Variants in CAMK1G observed in about 807,000 individuals in gnomAD.
CAMK1G encodes calcium/calmodulin dependent protein kinase IG, also known as calcium/calmodulin-dependent protein kinase type 1G.
CAMK1G carries 27 observed loss-of-function variants against 54.8 expected under a neutral mutation model. That is an observed-to-expected ratio of 0.49 (90% CI 0.36 to 0.68). The LOEUF (loss-of-function observed/expected upper bound fraction) is 0.68. Ranked by LOEUF, CAMK1G falls within the 30% of genes least tolerant of loss-of-function variation. The probability of loss-of-function intolerance (pLI) is 0.00; values close to 1 mark genes in which losing one functional copy is unlikely to be tolerated. For missense variants in CAMK1G, 512 were observed against 591.0 expected (o/e 0.87, Z 1.39); for synonymous variants, 238 against 224.9 (o/e 1.06, Z -0.52).
intron 2 of CAMK1G, 24 bp from the exon 3 acceptor site, chr1:209,599,959 T>C: frequency 6.2e-7 from 1 of 1,611,552 alleles, no homozygotes; most frequent in Non-Finnish European, 8.5e-7. Flanking sequence ...TACTAAGTTT[T>C]ATCTTTTGGT....
At chr1:209,603,642 G>A (rs912194871) in intron 4 of CAMK1G, among the ~76,000 whole-genome samples, 2 of 152,128 alleles carry the variant, frequency 1.3e-5, no homozygotes, top group Non-Finnish European at 2.9e-5. Flanking sequence ...AACGACCGAA[G>A]GGGTAATGCC....
Position 209,611,464 on chromosome 1 carries a change from G to T in CAMK1G, c.828-1G>T. On this transcript the variant is annotated splice_acceptor_variant, in intron 9 of 12. Coordinates refer to ENST00000361322, the MANE Select transcript of CAMK1G (RefSeq NM_020439.3). LOFTEE classifies it high-confidence loss of function. ...CCAGGTGTCCCCTCTTACATCCACA[G>T]GATTGACGGAAACACAGCCCTCCAC... The T allele has an allele frequency of 6.2e-7, 1 of 1,614,116 alleles. No homozygotes were observed. The highest frequency in any genetic ancestry group is 8.5e-7 in the Non-Finnish European group (1 of 1,179,992).
intron 2 of CAMK1G, 61 bp from the exon 3 acceptor site, chr1:209,599,922 A>G: frequency 6.3e-7 from 1 of 1,599,212 alleles, no homozygotes; most frequent in Non-Finnish European, 8.5e-7. Context: ...GAGGTCTTAC[A>G]TCTGGAAGTG....
chr1:209,595,076 G>A lies in CAMK1G; in HGVS notation c.92+1G>A, dbSNP rs375265459. On this transcript the variant is annotated splice_donor_variant, in intron 2 of 12. Transcript: ENST00000361322. LOFTEE classifies it high-confidence loss of function. Reference sequence around the variant, plus strand: ...TCATTTTTATGGAAGTGCTGGGATCGTAAGTCCTGGGGCTGTGAGGTCGGG... The same window carrying A: ...TCATTTTTATGGAAGTGCTGGGATCATAAGTCCTGGGGCTGTGAGGTCGGG... The A allele has an allele frequency of 3.7e-6, 6 of 1,612,638 alleles. No individual in the cohort carries two copies. The highest frequency in any genetic ancestry group is 1.3e-5 in the African/African-American group (1 of 75,014).
chr1:209,601,334 G>A (rs1463018647), intron 3 of CAMK1G, among the ~76,000 whole-genome samples: 1 of 152,206 alleles, frequency 6.6e-6, no homozygotes, highest in African/African-American at 2.4e-5. Flanking sequence ...ACTAGTGAAA[G>A]TATACAGGAC....
rs145771970 is a variant in CAMK1G at position 209,600,360 on chromosome 1, G to C, written c.221+249G>C. Among the ~76,000 whole-genome samples, 215 of 151,988 alleles carry C rather than the reference G, an allele frequency of 1.4e-3. 2 individuals carry two copies. Among genetic ancestry groups the C allele is most frequent in the African/African-American group, 4.8e-3 (198 of 41,450 alleles). On this transcript the variant is annotated intron_variant, in intron 3 of 12. Transcript: ENST00000361322. ...AGAACTGGTTTGTGCACACAGGCTG[G>C]AGAGTAATTAGCTCAAAGGAACAAA...
intron 1 of CAMK1G, among the ~76,000 whole-genome samples, chr1:209,591,158 G>A (rs1294721366): frequency 6.6e-6 from 1 of 151,978 alleles, no homozygotes; most frequent in African/African-American, 2.4e-5. Flanking sequence ...CTTGTGTACC[G>A]TGCCCTCGAA....
At chr1:209,604,291 G>T (rs1189737592) in intron 4 of CAMK1G, among the ~76,000 whole-genome samples, 1 of 152,190 alleles carries the variant, frequency 6.6e-6, no homozygotes, top group East Asian at 1.9e-4. Context: ...GGGACCATCA[G>T]GCACTACAAT....
chr1:209,597,592 G>A (rs11801272), intron 2 of CAMK1G, among the ~76,000 whole-genome samples: 35,034 of 152,188 alleles, frequency 0.23, 4,971 homozygotes, highest in African/African-American at 0.4. Context: ...CTCAGTAGGT[G>A]TTCAATAAAT....
chr1:209,611,583 C>T, intron 10 of CAMK1G, 31 bp downstream of exon 10: 1 of 1,591,810 alleles, frequency 6.3e-7, no homozygotes, highest in East Asian at 2.2e-5. Context: ...GGTGGGAAAG[C>T]TGTTCTGGGC....
At chr1:209,612,389 T>A (rs1326449058) in intron 11 of CAMK1G, 173 bp downstream of exon 11, 1 of 689,332 alleles carries the variant, frequency 1.5e-6, no homozygotes, top group Non-Finnish European at 2.4e-6. Flanking sequence ...CCCCATCACT[T>A]ACTAGTTGTG....
chr1:209,592,059 C>T (rs1366905621), intron 1 of CAMK1G, among the ~76,000 whole-genome samples: 2 of 152,046 alleles, frequency 1.3e-5, no homozygotes, highest in African/African-American at 4.8e-5. Context: ...GTAAATATTC[C>T]TATTAGGCTG....
At chr1:209,602,059 G>A (rs759722917) in intron 3 of CAMK1G, among the ~76,000 whole-genome samples, 5 of 152,116 alleles carry the variant, frequency 3.3e-5, no homozygotes, top group African/African-American at 7.2e-5. Flanking sequence ...CTGGCAAGCC[G>A]AGCCCCTCTG....
chr1:209,607,976 G>A (rs1665691676), intron 7 of CAMK1G, 43 bp downstream of exon 7: 3 of 1,500,760 alleles, frequency 2.0e-6, no homozygotes, highest in Admixed American at 3.5e-5. Flanking sequence ...AGAAGTCTCG[G>A]AGCCTGCTTA....
intron 6 of CAMK1G, among the ~76,000 whole-genome samples, chr1:209,607,601 C>A (rs1558140948): frequency 6.6e-6 from 1 of 152,314 alleles, no homozygotes; most frequent in East Asian, 1.9e-4. Flanking sequence ...TGGAGATCCC[C>A]AGTCCAACAG....
intron 6 of CAMK1G, 182 bp from the exon 7 acceptor site, chr1:209,607,676 C>T: frequency 5.5e-6 from 3 of 547,986 alleles, no homozygotes; most frequent in Middle Eastern, 5.9e-4. Flanking sequence ...TCTCTCTTTT[C>T]AGGAAGATTT....
intron 1 of CAMK1G, among the ~76,000 whole-genome samples, chr1:209,584,318 TAAGG>T (rs1665039556): frequency 1.3e-5 from 2 of 152,162 alleles, no homozygotes; most frequent in African/African-American, 4.8e-5. Flanking sequence ...TCTGCAAGCC[TAAGG>T]AAGACGAGTC....
rs747971114 is a variant in CAMK1G, at chr1:209,600,152, C to T, written c.221+41C>T. On this transcript the variant is annotated intron_variant, in intron 3 of 12. Transcript: ENST00000361322. ...TGTTGACTGGATCACTATGGGATCA[C>T]AACATTTTCTTCACAAATTACCTTC... The T allele has an allele frequency of 8.2e-6, 13 of 1,594,592 alleles. No homozygotes were observed. The Admixed American group carries it at 1.1e-4, about 13-fold the overall frequency.
At position 209,603,295 on chromosome 1, in the gene CAMK1G, A is replaced by G; in HGVS notation, c.296+7A>G. The G allele has an allele frequency of 6.2e-7, 1 of 1,611,362 alleles. No individual in the cohort carries two copies. Among genetic ancestry groups the G allele is most frequent in the Non-Finnish European group, 8.5e-7 (1 of 1,177,576 alleles). ...ACTACCTGGTCATGCAGCTGTAAGT[A>G]AAAGGTGACTTGCTTCCTTCACAGA... On this transcript the variant is annotated splice_region_variant and intron_variant, in intron 4 of 12. Transcript: ENST00000361322.
Sources: allele counts gnomAD v4.1 joint callset (sites outside exome capture counted in the v4.1 genomes callset), GRCh38; gene constraint gnomAD v4.1.1; transcripts MANE v1.5; gene names NCBI Gene and HGNC (gene_info 2026-07-23, HGNC 2026-07-21).